Variants in MOSPD2 observed in about 807,000 individuals in gnomAD.
The protein encoded by MOSPD2 is motile sperm domain-containing protein 2.
A neutral mutation model predicts 41.7 loss-of-function variants in MOSPD2; 5 were observed. That is an observed-to-expected ratio of 0.12 (90% CI 0.06 to 0.25). The LOEUF is 0.25. MOSPD2 is among the 10% of genes least tolerant of loss of function. MOSPD2 has a pLI of 1.00. For missense variants in MOSPD2, 282 were observed against 375.2 expected (o/e 0.75, Z 2.05); for synonymous variants, 115 against 126.9 (o/e 0.91, Z 0.63).
intron 13 of MOSPD2, among the ~76,000 whole-genome samples, chrX:14,918,214 T>C (rs1359772341): frequency 1.8e-5 from 2 of 111,857 alleles, no homozygotes; most frequent in African/African-American, 6.5e-5. Flanking sequence ...GGTTTTGTTA[T>C]GTTCGAGTTG....
At chrX:14,901,551 C>A (rs1165845284) in intron 6 of MOSPD2, among the ~76,000 whole-genome samples, 1 of 111,134 alleles carries the variant, frequency 9.0e-6, no homozygotes, top group African/African-American at 3.3e-5. Context: ...GTCAGTGCCA[C>A]CCCTAGCTGT....
intron 7 of MOSPD2, among the ~76,000 whole-genome samples, chrX:14,906,682 A>G (rs766957470): frequency 6.2e-5 from 7 of 112,169 alleles, no homozygotes; most frequent in African/African-American, 9.7e-5. Flanking sequence ...CATACATTTT[A>G]TAAGGGACTT....
intron 2 of MOSPD2, among the ~76,000 whole-genome samples, chrX:14,885,091 ATGTATG>A (rs1350361818): frequency 8.9e-6 from 1 of 111,869 alleles, no homozygotes; most frequent in East Asian, 2.8e-4. Context: ...ATACATATAT[ATGTATG>A]TGTGTATGTA....
intron 7 of MOSPD2, among the ~76,000 whole-genome samples, chrX:14,906,222 A>G: frequency 8.9e-6 from 1 of 112,426 alleles, no homozygotes; most frequent in East Asian, 2.8e-4. Flanking sequence ...TTGGGCATGT[A>G]TGGGCATAAG....
chrX:14,887,099 A>G (rs1009696373), intron 2 of MOSPD2, among the ~76,000 whole-genome samples: 1 of 112,362 alleles, frequency 8.9e-6, no homozygotes, highest in Admixed American at 9.5e-5. Flanking sequence ...CAGTGGATCT[A>G]TGCTCAGAGT....
intron 6 of MOSPD2, 43 bp downstream of exon 6, chrX:14,900,678 CTG>C (rs1415941800): frequency 1.4e-6 from 1 of 696,821 alleles, no homozygotes; most frequent in Non-Finnish European, 2.1e-6. Flanking sequence ...CATATTGAAA[CTG>C]TAGACAATGT....
At chrX:14,896,539 A>G (rs1266201228) in intron 4 of MOSPD2, among the ~76,000 whole-genome samples, 1 of 111,529 alleles carries the variant, frequency 9.0e-6, no homozygotes, top group Non-Finnish European at 1.9e-5. Context: ...AAGGTGTTCT[A>G]AAATAGGAAA....
Position 14,912,237 on chromosome X carries a change from T to C in MOSPD2, c.880-12T>C. 4.5e-6 allele frequency: 5 copies of C among 1,118,319 alleles called. No individual in the cohort carries two copies. The highest frequency in any genetic ancestry group is 6.0e-6 in the Non-Finnish European group (5 of 835,104). 92.2% of individuals were successfully genotyped at this position (1,118,319 alleles called of 1,213,427 possible). On this transcript the variant is annotated splice_polypyrimidine_tract_variant and intron_variant, in intron 9 of 14. Transcript: ENST00000380492. ...TATATGCTAAATAGTTATCCTTTTT[T>C]TTTGTCTTTAGATTAACCCAACCGA...
intron 8 of MOSPD2, among the ~76,000 whole-genome samples, chrX:14,909,956 T>G (rs1389360372): frequency 1.8e-5 from 2 of 111,018 alleles, no homozygotes; most frequent in Non-Finnish European, 3.8e-5. Context: ...TTATTTTTAA[T>G]AATTTGCTCA....
In MOSPD2 at chrX:14,897,130, G is replaced by A; in HGVS notation, c.369G>A (p.Leu123=). 8.3e-7 allele frequency: 1 copy of A among 1,206,610 alleles called. No homozygotes were observed. Among genetic ancestry groups the A allele is most frequent in the Non-Finnish European group, 1.1e-6 (1 of 891,946 alleles). The change falls in exon 5 of 15, where the codon TTG becomes TTA. Residue 123 remains leucine, a synonymous_variant. Transcript: ENST00000380492. ...ATGTAAAAGACCAGAAAACCATATT[G>A]GACAAAAAGAAGCTCATAGCATTCT... is the stretch of plus-strand genomic sequence containing the variant. ...KYHVKDQKTI[L]DKKKLIAFWL...
At chrX:14,876,999 T>A (rs2092521570) in intron 2 of MOSPD2, among the ~76,000 whole-genome samples, 1 of 111,588 alleles carries the variant, frequency 9.0e-6, no homozygotes. Context: ...TCCAGGCAGA[T>A]TGAATAGTCT....
intron 2 of MOSPD2, among the ~76,000 whole-genome samples, chrX:14,879,229 TG>T (rs1392682579): frequency 8.9e-6 from 1 of 112,023 alleles, no homozygotes; most frequent in Non-Finnish European, 1.9e-5. Flanking sequence ...TTTTGTATCA[TG>T]TACAGTATAG....
chrX:14,902,957 A>T lies in MOSPD2; in HGVS notation c.539-9A>T, dbSNP rs60077323. On this transcript the variant is annotated splice_polypyrimidine_tract_variant and intron_variant, in intron 6 of 14. Coordinates refer to ENST00000380492, the MANE Select transcript of MOSPD2 (RefSeq NM_152581.4). ...ATTCACATTCAATGAATTTTTTTTC[A>T]TCTTTCAGCAAAAATAGTGATCTTT... is the stretch of plus-strand genomic sequence containing the variant. 8.7e-7 allele frequency: 1 copy of T among 1,148,767 alleles called. No individual in the cohort carries two copies. Among genetic ancestry groups the T allele is most frequent in the Non-Finnish European group, 1.2e-6 (1 of 839,585 alleles). The allele number at this position is 1,148,767 out of a possible 1,213,427, so 94.7% of individuals were successfully genotyped here. A position where few individuals can be genotyped will look rare whatever the true frequency, so the allele number is the denominator to read the frequency against.
At chrX:14,880,101 G>A (rs773082618) in intron 2 of MOSPD2, among the ~76,000 whole-genome samples, 9 of 110,239 alleles carry the variant, frequency 8.2e-5, no homozygotes, top group African/African-American at 2.0e-4. Context: ...TAATTTCATG[G>A]AAGTTGACAT....
At chrX:14,899,527 T>TATATAC (rs1224321473) in intron 5 of MOSPD2, among the ~76,000 whole-genome samples, 1 of 101,814 alleles carries the variant, frequency 9.8e-6, no homozygotes, top group African/African-American at 3.6e-5. Context: ...TATATATATA[T>TATATAC]ACACACAAAG....
Position 14,915,722 on chromosome X carries a change from G to A in MOSPD2, c.1144G>A (p.Asp382Asn). ...AGTCAAGCCAAGCAATAGCAGCTGT[G>A]ACCCGGGTGCATCAGTGGATATAGT... ...YRVKPSNSSC[D>N]PGASVDIVVS... The change falls in exon 12 of 15, where the codon GAC (aspartate) becomes AAC (asparagine). Residue 382 changes from aspartate (D) to asparagine (N), a missense_variant. Asp to Asn is a conservative substitution (Grantham distance 23). This residue lies in a region of MOSPD2 where 94 missense variants were observed against 102.1 expected (regional missense o/e 0.92). Coordinates refer to ENST00000380492, the MANE Select transcript of MOSPD2 (RefSeq NM_152581.4). The A allele has an allele frequency of 8.3e-7, 1 of 1,209,886 alleles. No homozygotes were observed. The highest frequency in any genetic ancestry group is 2.2e-5 in the Admixed American group (1 of 45,876).
intron 2 of MOSPD2, among the ~76,000 whole-genome samples, chrX:14,887,071 A>T (rs772740329): frequency 8.9e-6 from 1 of 112,158 alleles, no homozygotes; most frequent in Non-Finnish European, 1.9e-5. Context: ...TGCTCTCTTA[A>T]TGCCCCAGAA....
At chrX:14,901,326 A>C (rs2092572818) in intron 6 of MOSPD2, among the ~76,000 whole-genome samples, 1 of 111,781 alleles carries the variant, frequency 8.9e-6, no homozygotes, top group Non-Finnish European at 1.9e-5. Flanking sequence ...AATGGTTTAA[A>C]AGTGAAAAGA....
intron 2 of MOSPD2, among the ~76,000 whole-genome samples, chrX:14,890,546 A>T (rs1273123673): frequency 9.0e-6 from 1 of 111,407 alleles, no homozygotes; most frequent in East Asian, 2.8e-4. Flanking sequence ...CCAAAGCAGC[A>T]CTCTTACAAA....
Sources: allele counts gnomAD v4.1 joint callset (sites outside exome capture counted in the v4.1 genomes callset), GRCh38; gene constraint gnomAD v4.1.1; regional missense constraint gnomAD v4.1.1; transcripts MANE v1.5; gene names NCBI Gene and HGNC (gene_info 2026-07-23, HGNC 2026-07-21).